TCERG1L: variants seen among roughly 807,000 people sequenced by gnomAD.
The protein encoded by TCERG1L is transcription elongation regulator 1 like, also known as transcription elongation regulator 1-like protein.
In TCERG1L, 37 loss-of-function variants were observed where a neutral mutation model predicts 56.3. The ratio of observed to expected loss-of-function variants is 0.66; its 90% CI spans 0.51 to 0.87. The LOEUF is 0.87. Ranked by LOEUF, TCERG1L falls within the 40% of genes least tolerant of loss-of-function variation. The pLI, the probability that TCERG1L is intolerant of heterozygous loss-of-function variation, is 0.00. For missense variants in TCERG1L, 799 were observed against 774.2 expected, an observed-to-expected ratio of 1.03 and a Z score of -0.38; for synonymous variants, 324 against 326.3, an observed-to-expected ratio of 0.99 and a Z score of 0.08.
intron 10 of TCERG1L, among the ~76,000 whole-genome samples, chr10:131,100,182 T>G (rs1408738102): frequency 6.6e-6 from 1 of 152,204 alleles, no homozygotes; most frequent in Middle Eastern, 3.2e-3. Flanking sequence ...TGGCTTCTTA[T>G]GCCTTCAAGG....
chr10:131,127,591 AACAG>A (rs1466157078), intron 8 of TCERG1L, among the ~76,000 whole-genome samples: 1 of 152,208 alleles, frequency 6.6e-6, no homozygotes, highest in Non-Finnish European at 1.5e-5. Flanking sequence ...CAGCTGCCTC[AACAG>A]ACAGAGATGC....
At chr10:131,279,398 A>G (rs1004568357) in intron 3 of TCERG1L, among the ~76,000 whole-genome samples, 1 of 152,132 alleles carries the variant, frequency 6.6e-6, no homozygotes, top group Admixed American at 6.5e-5. Flanking sequence ...AACCTTCATG[A>G]CTGTTTAGGA....
At chr10:131,176,767 CCA>C (rs1846157706) in intron 4 of TCERG1L, among the ~76,000 whole-genome samples, 9 of 47,164 alleles carry the variant, frequency 1.9e-4, no homozygotes, top group South Asian at 6.5e-4. Context: ...AACACATACA[CCA>C]AGACACATGG....
chr10:131,279,471 G>A (rs1846429399), intron 3 of TCERG1L, among the ~76,000 whole-genome samples: 1 of 152,112 alleles, frequency 6.6e-6, no homozygotes, highest in Non-Finnish European at 1.5e-5. Flanking sequence ...GAGTCTCTAG[G>A]ACTTAAAGCC....
intron 6 of TCERG1L, among the ~76,000 whole-genome samples, chr10:131,151,375 G>A (rs184618824): frequency 8.0e-5 from 12 of 149,096 alleles, no homozygotes; most frequent in Admixed American, 2.0e-4. Context: ...GGAGAAATTG[G>A]CCAAAACAAA....
chr10:131,242,448 G>A (rs1028759460), intron 4 of TCERG1L, among the ~76,000 whole-genome samples: 3 of 152,034 alleles, frequency 2.0e-5, no homozygotes, highest in Non-Finnish European at 4.4e-5. Context: ...AAACGACAGA[G>A]TGGCATGACT....
chr10:131,244,463 G>T (rs1353965399), intron 4 of TCERG1L, among the ~76,000 whole-genome samples: 2 of 152,080 alleles, frequency 1.3e-5, no homozygotes, highest in Non-Finnish European at 2.9e-5. Flanking sequence ...GTGGGGAGGG[G>T]CCTCTCAGCA....
At chr10:131,183,744 C>A (rs1845206379) in intron 4 of TCERG1L, among the ~76,000 whole-genome samples, 1 of 152,224 alleles carries the variant, frequency 6.6e-6, no homozygotes, top group Non-Finnish European at 1.5e-5. Context: ...TGTCCACACT[C>A]CCATGGTGGG....
intron 3 of TCERG1L, among the ~76,000 whole-genome samples, chr10:131,266,285 C>A (rs1846285054): frequency 6.6e-6 from 1 of 152,192 alleles, no homozygotes; most frequent in Admixed American, 6.5e-5. Context: ...GTCTTGAAAC[C>A]CCTGAAATCA....
intron 4 of TCERG1L, among the ~76,000 whole-genome samples, chr10:131,180,172 G>A (rs1476458621): frequency 1.3e-5 from 2 of 152,170 alleles, no homozygotes; most frequent in African/African-American, 4.8e-5. Flanking sequence ...CCCAAGGATG[G>A]GTAGGGATGG....
At chr10:131,197,587 T>C (rs1387134258) in intron 4 of TCERG1L, among the ~76,000 whole-genome samples, 1 of 152,106 alleles carries the variant, frequency 6.6e-6, no homozygotes, top group Non-Finnish European at 1.5e-5. Context: ...AGAAGGCAAC[T>C]GCAGTCATCC....
chr10:131,110,218 A>G (rs1845397425), intron 9 of TCERG1L, among the ~76,000 whole-genome samples: 1 of 152,218 alleles, frequency 6.6e-6, no homozygotes, highest in African/African-American at 2.4e-5. Flanking sequence ...ATCAAGTGGC[A>G]AGATGCAGAC....
At chr10:131,238,547 C>T (rs1468413978) in intron 4 of TCERG1L, among the ~76,000 whole-genome samples, 2 of 152,180 alleles carry the variant, frequency 1.3e-5, no homozygotes, top group East Asian at 1.9e-4. Flanking sequence ...AAACCTCCCC[C>T]GAGGGAACGG....
chr10:131,104,347 G>C lies in TCERG1L; in HGVS notation c.1403C>G (p.Ala468Gly). The C allele has an allele frequency of 2.6e-6, 4 of 1,540,064 alleles. No homozygotes were observed. The highest frequency in any genetic ancestry group is 3.5e-6 in the Non-Finnish European group (4 of 1,136,480). The change falls in exon 10 of 12, where the codon GCA becomes GGA. Residue 468 changes from alanine (A) to glycine (G), a missense_variant. Ala to Gly is a moderately conservative substitution (Grantham distance 60). Transcript: ENST00000368642. ...RDMLLERGVS[A>G]FSTWEKELHK... ...TAATTCTTTCTCCCAGGTAGAAAAT[G>C]CTGATACCTAAAGAAAGATATTCAA...
chr10:131,256,992 G>GGAAGGAAGGAAGGAAAGGAAGAAAGAAA (rs1846173015), intron 4 of TCERG1L, among the ~76,000 whole-genome samples: 1 of 59,170 alleles, frequency 1.7e-5, no homozygotes, highest in African/African-American at 5.5e-5. Context: ...AAGGAAGGAA[G>GGAAGGAAGGAAGGAAAGGAAGAAAGAAA]GAAAGAAAGA....
At chr10:131,298,000 A>G (rs976779080) in intron 3 of TCERG1L, among the ~76,000 whole-genome samples, 3 of 152,056 alleles carry the variant, frequency 2.0e-5, no homozygotes. Context: ...CTAAAAAATG[A>G]AGTTTTGTTT....
At chr10:131,133,142 T>C (rs900194143) in intron 8 of TCERG1L, among the ~76,000 whole-genome samples, 1 of 152,208 alleles carries the variant, frequency 6.6e-6, no homozygotes, top group Admixed American at 6.5e-5. Context: ...GAGTCTGCCC[T>C]GACCGCCCTG....
At chr10:131,098,684 C>T (rs1845274031) in intron 10 of TCERG1L, among the ~76,000 whole-genome samples, 1 of 152,202 alleles carries the variant, frequency 6.6e-6, no homozygotes, top group African/African-American at 2.4e-5. Flanking sequence ...GTGAAGCAGC[C>T]CTGCTGGAGA....
chr10:131,210,346 C>A (rs901828841), intron 4 of TCERG1L, among the ~76,000 whole-genome samples: 1 of 152,182 alleles, frequency 6.6e-6, no homozygotes, highest in Non-Finnish European at 1.5e-5. Flanking sequence ...CAACCCTCTG[C>A]CCCCAGGGCC....
Sources: allele counts gnomAD v4.1 joint callset (sites outside exome capture counted in the v4.1 genomes callset), GRCh38; gene constraint gnomAD v4.1.1; transcripts MANE v1.5; gene names NCBI Gene and HGNC (gene_info 2026-07-23, HGNC 2026-07-21).